Variants in EML6 observed in about 807,000 individuals in gnomAD.
EML6 encodes the protein echinoderm microtubule-associated protein-like 6.
EML6 carries 154 observed loss-of-function variants against 240.1 expected under a neutral mutation model. The observed-to-expected ratio is 0.64, with a 90% CI of 0.56 to 0.73. The LOEUF (loss-of-function observed/expected upper bound fraction) is 0.73, where lower values mean the gene tolerates loss of function less well. Ranked by LOEUF, EML6 falls within the 30% of genes least tolerant of loss-of-function variation. The pLI is 0.00. For missense variants in EML6, 2,964 were observed against 2,474.6 expected, an observed-to-expected ratio of 1.20 and a Z score of -4.20; for synonymous variants, 1,148 against 899.0, an observed-to-expected ratio of 1.28 and a Z score of -4.95.
At chr2:54,868,591 G>GAT (rs1166409069) in intron 14 of EML6, 1 of 152,160 alleles carries the variant, frequency 6.6e-6, no homozygotes, top group Non-Finnish European at 1.5e-5. Flanking sequence ...ATTTGATTTT[G>GAT]ATATATCACA....
chr2:54,954,779 G>A (rs1382336477), intron 32 of EML6, among the ~76,000 whole-genome samples: 2 of 152,186 alleles, frequency 1.3e-5, no homozygotes, highest in African/African-American at 2.4e-5. Flanking sequence ...AACTAAAGAT[G>A]TGCAGTCCTC....
intron 2 of EML6, among the ~76,000 whole-genome samples, chr2:54,811,781 A>T (rs1354642696): frequency 2.6e-5 from 4 of 152,212 alleles, no homozygotes; most frequent in African/African-American, 9.6e-5. Flanking sequence ...TTGAAATACC[A>T]GGTGTGTCTC....
chr2:54,779,432 G>T (rs936225041), intron 2 of EML6, among the ~76,000 whole-genome samples: 2 of 151,664 alleles, frequency 1.3e-5, no homozygotes, highest in African/African-American at 4.9e-5. Context: ...TGTAATCTCA[G>T]CTACTCTGGA....
chr2:54,823,868 CTCTCTCTCTT>C (rs1360424940), intron 5 of EML6, among the ~76,000 whole-genome samples: 76 of 148,238 alleles, frequency 5.1e-4, no homozygotes, highest in South Asian at 2.3e-3. Flanking sequence ...CTCTCTCTCT[CTCTCTCTCTT>C]TCTGTCTCTC....
At chr2:54,802,668 G>GCTACTACTA (rs1160838637) in intron 2 of EML6, among the ~76,000 whole-genome samples, 1 of 69,294 alleles carries the variant, frequency 1.4e-5, no homozygotes, top group African/African-American at 6.3e-5. Flanking sequence ...TACTACTACT[G>GCTACTACTA]CTACTACTAC....
chr2:54,826,554 C>A (rs1210755870), intron 5 of EML6, among the ~76,000 whole-genome samples: 1 of 152,018 alleles, frequency 6.6e-6, no homozygotes, highest in East Asian at 1.9e-4. Flanking sequence ...GAGCCAAGAT[C>A]GGGCCACTGC....
chr2:54,753,365 G>T (rs750208947), intron 2 of EML6, among the ~76,000 whole-genome samples: 9 of 152,152 alleles, frequency 5.9e-5, no homozygotes, highest in Admixed American at 1.3e-4. Flanking sequence ...TGGCAAAAGG[G>T]ACTTTATCAA....
intron 6 of EML6, among the ~76,000 whole-genome samples, chr2:54,828,550 A>G (rs1343290906): frequency 2.0e-5 from 3 of 152,260 alleles, no homozygotes; most frequent in African/African-American, 7.2e-5. Flanking sequence ...GAAAAGTTTA[A>G]GCAACTCTTA....
chr2:54,847,606 C>G lies in EML6; in HGVS notation c.1170C>G (p.Phe390Leu). Reference protein sequence around the residue: ...QLALGMKDGSFIVLRVRDMTE... With the variant: ...QLALGMKDGSLIVLRVRDMTE... ...CCCTGGGCATGAAGGACGGCTCTTT[C>G]ATTGTTCTCCGAGTCAGGCACGTAC... Residue 390 changes from phenylalanine (F) to leucine (L), a missense_variant, in exon 9 of 42, where the codon TTC (phenylalanine) becomes TTG (leucine). By Grantham distance (22) the Phe-to-Leu change is conservative. Coordinates refer to ENST00000356458, the MANE Select transcript of EML6 (RefSeq NM_001039753.4). 1.3e-6 allele frequency: 2 copies of G among 1,552,336 alleles called. No individual in the cohort carries two copies. The highest frequency in any genetic ancestry group is 1.7e-6 in the Non-Finnish European group (2 of 1,147,138).
At position 54,948,886 on chromosome 2, in the gene EML6, C is replaced by T. The variant is rs776802953; in HGVS notation, c.4009C>T (p.Pro1337Ser). Reference sequence around the variant, plus strand: ...TCTGGCCGCTCTCTCTTCCAGACCACCCGTTAGCCGAGCAGCTCCCCAGCC... The same window carrying T: ...TCTGGCCGCTCTCTCTTCCAGACCATCCGTTAGCCGAGCAGCTCCCCAGCC... ...LKEVSVEERP[P>S]VSRAAPQPEK... Residue 1337 changes from proline (P) to serine (S), a missense_variant, in exon 29 of 42, where the codon CCC becomes TCC. Physicochemically the swap from Pro to Ser is moderately conservative, Grantham distance 74. Transcript: ENST00000356458. 1.3e-6 allele frequency: 2 copies of T among 1,551,304 alleles called. No homozygotes were observed. The highest frequency in any genetic ancestry group is 1.2e-5 in the South Asian group (1 of 84,056).
chr2:54,892,710 G>A lies in EML6; in HGVS notation c.2742+54G>A, dbSNP rs1672539859. On this transcript the variant is annotated intron_variant, in intron 19 of 41. Transcript: ENST00000356458. The stretch of plus-strand genomic sequence containing the variant: ...CCTCATCAGCCTTCTAAAATTATAA[G>A]GTAGTCTTAGGATGGCCCAAGAGGA... The A allele has an allele frequency of 7.1e-6, 10 of 1,410,594 alleles. 1 individual carries two copies. In the South Asian group the frequency reaches 1.3e-4, roughly 19 times the overall value. 87.4% of individuals were successfully genotyped at this position (1,410,594 alleles called of 1,614,324 possible).
intron 2 of EML6, among the ~76,000 whole-genome samples, chr2:54,745,088 G>T (rs144173226): frequency 1.1e-3 from 165 of 152,252 alleles, no homozygotes; most frequent in African/African-American, 3.8e-3. Flanking sequence ...GATGCTGGAG[G>T]CGAGTCTTTA....
At chr2:54,886,863 C>T (rs1405999802) in intron 17 of EML6, among the ~76,000 whole-genome samples, 1 of 152,088 alleles carries the variant, frequency 6.6e-6, no homozygotes, top group Non-Finnish European at 1.5e-5. Context: ...GGCAAGAATG[C>T]TTTATAGGTA....
At chr2:54,804,680 A>T (rs963681433) in intron 2 of EML6, among the ~76,000 whole-genome samples, 2 of 152,236 alleles carry the variant, frequency 1.3e-5, no homozygotes, top group Non-Finnish European at 2.9e-5. Context: ...AACAATGGAG[A>T]CACAAAATAA....
In EML6 at chr2:54,909,900, G is replaced by GGT. The variant is rs550828155; in HGVS notation, c.3410-1052_3410-1051dup. Among the ~76,000 whole-genome samples, 601 of 148,724 alleles carry GGT rather than the reference G, an allele frequency of 4.0e-3. 2 individuals carry two copies. Among genetic ancestry groups the GGT allele is most frequent in the African/African-American group, 0.014 (566 of 40,462 alleles). On this transcript the variant is annotated intron_variant, in intron 24 of 41. Transcript: ENST00000356458. ...TTAGCCAAGCTAGATTTCAGATCAA[G>GGT]GTGGTGCCTATTTAAATGCTAAAGA...
chr2:54,808,159 C>T (rs1572931330), intron 2 of EML6, among the ~76,000 whole-genome samples: 1 of 152,132 alleles, frequency 6.6e-6, no homozygotes, highest in Non-Finnish European at 1.5e-5. Flanking sequence ...CCAAGCCCAC[C>T]AGGAAGGCAG....
At chr2:54,817,863 A>AC (rs71408795) in intron 4 of EML6, among the ~76,000 whole-genome samples, 1 of 151,774 alleles carries the variant, frequency 6.6e-6, no homozygotes, top group South Asian at 2.1e-4. Flanking sequence ...TTGTAAGGAG[A>AC]CCCCACAGAT....
At chr2:54,867,686 G>C (rs952137079) in intron 14 of EML6, 1 of 152,256 alleles carries the variant, frequency 6.6e-6, no homozygotes, top group Non-Finnish European at 1.5e-5. Flanking sequence ...GGAGGTCTAG[G>C]CTGCAGTGAG....
rs925445892 is a variant in EML6, at chr2:54,959,120, C to T, written c.4712C>T (p.Thr1571Met). The change falls in exon 34 of 42, where the codon ACG (threonine) becomes ATG (methionine). Residue 1571 changes from threonine to methionine, a missense_variant. By Grantham distance (81) the Thr-to-Met change is moderately conservative (BLOSUM62 -1). Transcript: ENST00000356458. The part of the protein sequence containing the change: ...VAFGANNLTF[T>M]GAINGDVYVW... ...TGTTTACAGAACAATCTCACTTTCA[C>T]GGGTGCCATCAATGGAGATGTCTAC... 2.8e-5 allele frequency: 43 copies of T among 1,550,562 alleles called. No individual in the cohort carries two copies. Among genetic ancestry groups the T allele is most frequent in the South Asian group, 6.0e-5 (5 of 83,828 alleles).
Sources: allele counts gnomAD v4.1 joint callset (sites outside exome capture counted in the v4.1 genomes callset), GRCh38; gene constraint gnomAD v4.1.1; transcripts MANE v1.5; gene names NCBI Gene and HGNC (gene_info 2026-07-23, HGNC 2026-07-21).